The following ATE1 variants were observed in gnomAD, a reference collection of about 807,000 sequenced individuals.
ATE1 encodes arginyl-tRNA--protein transferase 1.
ATE1 carries 36 observed loss-of-function variants against 70.5 expected under a neutral mutation model. That is an observed-to-expected ratio of 0.51 (90% CI 0.39 to 0.67). The LOEUF is 0.67. Among genes scored for constraint, ATE1 ranks in the 30% least tolerant of loss-of-function variants. The pLI is 0.00. For synonymous variants in ATE1, 232 were observed against 219.3 expected, an observed-to-expected ratio of 1.06 and a Z score of -0.51; for missense variants, 593 against 629.5, an observed-to-expected ratio of 0.94 and a Z score of 0.62.
chr10:121,852,568 G>A lies in ATE1; in HGVS notation c.976-11305C>T, dbSNP rs140181971. 5.7e-3 allele frequency among the ~76,000 whole-genome samples: 869 copies of A among 152,076 alleles called. 8 individuals are homozygous for A. The highest frequency in any genetic ancestry group is 0.02 in the African/African-American group (827 of 41,488). On this transcript the variant is annotated intron_variant, in intron 8 of 11. Transcript: ENST00000224652. Reference sequence around the variant, plus strand: ...TCTACTAAAAATACAAAAATTAGCCGGACATGGTGGCAGGTGTCTGTAATC... The same window carrying A: ...TCTACTAAAAATACAAAAATTAGCCAGACATGGTGGCAGGTGTCTGTAATC...
chr10:121,760,219 C>A (rs1944982625), intron 11 of ATE1, among the ~76,000 whole-genome samples: 1 of 152,180 alleles, frequency 6.6e-6, no homozygotes, highest in East Asian at 1.9e-4. Flanking sequence ...CATTCTGAAG[C>A]CCATGGATCA....
intron 8 of ATE1, among the ~76,000 whole-genome samples, chr10:121,861,124 A>G (rs1266027562): frequency 6.6e-6 from 1 of 152,160 alleles, no homozygotes; most frequent in Non-Finnish European, 1.5e-5. Flanking sequence ...AGATGACCCT[A>G]ATTTTCAACA....
intron 10 of ATE1, among the ~76,000 whole-genome samples, chr10:121,835,774 T>C (rs1948409972): frequency 6.6e-6 from 1 of 152,012 alleles, no homozygotes; most frequent in African/African-American, 2.4e-5. Flanking sequence ...TGCTCCAAAA[T>C]AATTCAAGAG....
intron 8 of ATE1, among the ~76,000 whole-genome samples, chr10:121,864,919 C>T (rs2133982889): frequency 6.6e-6 from 1 of 152,232 alleles, no homozygotes; most frequent in South Asian, 2.1e-4. Context: ...AGGACAGCTC[C>T]TCACAACAAA....
rs533064066 is a variant in ATE1, at chr10:121,913,771, T to C, written c.337+19A>G. The C allele has an allele frequency of 8.3e-6, 13 of 1,561,328 alleles. No individual in the cohort carries two copies. The South Asian group carries it at 1.1e-4, about 14-fold the overall frequency. On this transcript the variant is annotated intron_variant, in intron 4 of 11. Transcript: ENST00000224652. ...GCAAAGACAGATAGTAAATCGTTTT[T>C]AGACCCAGCCCATCTTACCCTCACA...
At chr10:121,833,917 G>A (rs1201765302) in intron 10 of ATE1, among the ~76,000 whole-genome samples, 1 of 152,154 alleles carries the variant, frequency 6.6e-6, no homozygotes, top group African/African-American at 2.4e-5. Context: ...AATCTTCTGA[G>A]CATTAAACAA....
intron 7 of ATE1, among the ~76,000 whole-genome samples, chr10:121,875,138 C>CA (rs1276048988): frequency 0.014 from 1,108 of 79,090 alleles, 18 homozygotes; most frequent in African/African-American, 0.019. Context: ...GACTCCGTCT[C>CA]AAAAAAAAAA....
chr10:121,751,906 C>A (rs1358974622), intron 11 of ATE1, among the ~76,000 whole-genome samples: 1 of 152,004 alleles, frequency 6.6e-6, no homozygotes, highest in Non-Finnish European at 1.5e-5. Context: ...AGATTTACTC[C>A]AATGTGGCCG....
At chr10:121,772,351 A>T (rs899158980) in intron 11 of ATE1, among the ~76,000 whole-genome samples, 7 of 152,182 alleles carry the variant, frequency 4.6e-5, no homozygotes, top group Non-Finnish European at 8.8e-5. Context: ...ATTTTTCTTC[A>T]TTTCTGAATG....
intron 8 of ATE1, among the ~76,000 whole-genome samples, chr10:121,853,079 A>T (rs1283337857): frequency 6.6e-6 from 1 of 152,156 alleles, no homozygotes; most frequent in East Asian, 1.9e-4. Context: ...AAAGAGTTTT[A>T]AAAAACTAAA....
At chr10:121,924,488 C>T (rs1440031973) in intron 1 of ATE1, among the ~76,000 whole-genome samples, 159 bp from the exon 2 acceptor site, 2 of 152,044 alleles carry the variant, frequency 1.3e-5, no homozygotes, top group Non-Finnish European at 2.9e-5. Flanking sequence ...ATCACAAGGT[C>T]AGGAGTTCAA....
At chr10:121,885,663 C>A (rs949192488) in intron 7 of ATE1, among the ~76,000 whole-genome samples, 7 of 151,592 alleles carry the variant, frequency 4.6e-5, no homozygotes, top group Non-Finnish European at 7.4e-5. Flanking sequence ...AGGGCCAAGG[C>A]AGGCAGGCAG....
At chr10:121,928,257 G>A, upstream of ATE1, 1 of 1,415,570 alleles carries the variant, frequency 7.1e-7, no homozygotes, top group Non-Finnish European at 9.3e-7. Flanking sequence ...GAAGGGAAGC[G>A]GGAGTCGGGG....
intron 10 of ATE1, among the ~76,000 whole-genome samples, chr10:121,827,621 C>T (rs1002309913): frequency 9.2e-5 from 14 of 152,210 alleles, no homozygotes; most frequent in African/African-American, 3.4e-4. Context: ...ATTACAATGG[C>T]CACAATTATT....
At chr10:121,860,779 C>T (rs1399276053) in intron 8 of ATE1, among the ~76,000 whole-genome samples, 4 of 152,082 alleles carry the variant, frequency 2.6e-5, no homozygotes, top group East Asian at 1.9e-4. Flanking sequence ...TAGTGAGGCA[C>T]TGTCAAAAAG....
chr10:121,878,789 T>C (rs11200207), intron 7 of ATE1, among the ~76,000 whole-genome samples: 46,409 of 151,928 alleles, frequency 0.31, 7,407 homozygotes, highest in South Asian at 0.43. Context: ...TCTTAGCAAT[T>C]ATCTAGTTCA....
chr10:121,912,519 G>A (rs552322642), intron 4 of ATE1, among the ~76,000 whole-genome samples: 16 of 151,678 alleles, frequency 1.1e-4, no homozygotes, highest in Non-Finnish European at 1.3e-4. Flanking sequence ...AGATGTGGTG[G>A]CGGGTGCCTG....
intron 10 of ATE1, among the ~76,000 whole-genome samples, chr10:121,814,987 G>A (rs988350185): frequency 2.0e-5 from 3 of 152,208 alleles, no homozygotes; most frequent in African/African-American, 7.2e-5. Flanking sequence ...AGCTGCTAGA[G>A]TGAAAGTAAT....
chr10:121,740,823 T>C lies in ATE1; in HGVS notation c.*2857A>G, dbSNP rs1291849023. 6.6e-6 allele frequency: 1 copy of C among 152,194 alleles called. No individual in the cohort carries two copies. Among genetic ancestry groups the C allele is most frequent in the Admixed American group, 6.5e-5 (1 of 15,272 alleles). 9.4% of individuals were successfully genotyped at this position (152,194 alleles called of 1,614,324 possible). On this transcript the variant is annotated 3_prime_UTR_variant, in exon 12 of 12. Coordinates refer to ENST00000224652, the MANE Select transcript of ATE1 (RefSeq NM_001001976.3). ...ATGAATGAAAAATAGGATAAAGCTA[T>C]TTAAAAGTCAACATAGTAATATTTA...
Sources: gnomAD v4.1 joint callset for allele counts (sites outside exome capture counted in the v4.1 genomes callset) on GRCh38, gnomAD v4.1.1 for gene constraint, MANE v1.5 for transcripts, NCBI Gene and HGNC (gene_info 2026-07-23, HGNC 2026-07-21) for gene names.